Variants in ADAM22 observed in about 807,000 individuals in gnomAD.
ADAM22 encodes disintegrin and metalloproteinase domain-containing protein 22.
A neutral mutation model predicts 144.6 loss-of-function variants in ADAM22; 65 were observed. The ratio of observed to expected loss-of-function variants is 0.45; its 90% CI spans 0.37 to 0.55. The LOEUF is 0.55. Among genes scored for constraint, ADAM22 ranks in the 20% least tolerant of loss-of-function variants. The probability of loss-of-function intolerance (pLI) is 0.00; values close to 1 mark genes in which losing one functional copy is unlikely to be tolerated. For synonymous variants in ADAM22, 391 were observed against 412.6 expected (o/e 0.95, Z 0.63); for missense variants, 974 against 1,184.9 (o/e 0.82, Z 2.61).
chr7:87,993,557 G>A (rs1287222323), intron 3 of ADAM22, among the ~76,000 whole-genome samples: 1 of 152,180 alleles, frequency 6.6e-6, no homozygotes, highest in African/African-American at 2.4e-5. Flanking sequence ...CCTTCTGTCA[G>A]AAAGTCAGTA....
At chr7:88,036,158 C>T (rs1801480330) in intron 3 of ADAM22, among the ~76,000 whole-genome samples, 1 of 152,154 alleles carries the variant, frequency 6.6e-6, no homozygotes, top group Non-Finnish European at 1.5e-5. Flanking sequence ...ATAATCTCTG[C>T]ATGGGTATTT....
At chr7:88,056,574 G>A (rs1485166596) in intron 3 of ADAM22, among the ~76,000 whole-genome samples, 1 of 152,194 alleles carries the variant, frequency 6.6e-6, no homozygotes, top group African/African-American at 2.4e-5. Flanking sequence ...AGATAATTGT[G>A]AAAAGAGGTG....
intron 29 of ADAM22, among the ~76,000 whole-genome samples, chr7:88,183,501 TCATA>T (rs1160452027): frequency 1.3e-5 from 2 of 152,288 alleles, no homozygotes; most frequent in Middle Eastern, 3.4e-3. Flanking sequence ...TTAACAATAT[TCATA>T]CAGTGTTTTC....
Position 88,128,621 on chromosome 7 carries a change from A to C in ADAM22, c.698A>C (p.Asn233Thr). ...SKRQLRRYPR[N>T]VEEETKYIEL... ...TTACAGCTTCGTCGATATCCTCGTA[A>C]TGTAGAAGAAGAAACCAAATACATT... The change falls in exon 9 of 32, where the codon AAT (asparagine) becomes ACT (threonine). Residue 233 changes from asparagine to threonine, a missense_variant. Around this residue, in one of 2 missense-constraint regions of ADAM22, gnomAD observed 734 missense variants for 950.6 expected, o/e 0.77. Coordinates refer to ENST00000413139, the MANE Select transcript of ADAM22 (RefSeq NM_001324418.2). 1 of 1,611,812 alleles carries C rather than the reference A, an allele frequency of 6.2e-7. No individual in the cohort carries two copies. The highest frequency in any genetic ancestry group is 8.5e-7 in the Non-Finnish European group (1 of 1,178,260).
chr7:88,164,827 T>A (rs1842581736), intron 23 of ADAM22, among the ~76,000 whole-genome samples: 1 of 152,148 alleles, frequency 6.6e-6, no homozygotes, highest in South Asian at 2.1e-4. Flanking sequence ...ATATCGCTGA[T>A]ACCTGACATA....
At chr7:88,196,413 A>G in intron 31 of ADAM22, 58 bp from the exon 32 acceptor site, 2 of 1,595,664 alleles carry the variant, frequency 1.3e-6, no homozygotes, top group Non-Finnish European at 1.7e-6. Context: ...TCTCCTATTC[A>G]GAATACATCT....
chr7:88,137,202 G>A (rs1434919008), intron 14 of ADAM22, among the ~76,000 whole-genome samples: 1 of 152,060 alleles, frequency 6.6e-6, no homozygotes, highest in Non-Finnish European at 1.5e-5. Flanking sequence ...GTGACTTGCT[G>A]TTTTTTATCA....
At chr7:88,043,652 C>T (rs1012796489) in intron 3 of ADAM22, among the ~76,000 whole-genome samples, 4 of 151,570 alleles carry the variant, frequency 2.6e-5, no homozygotes, top group African/African-American at 7.3e-5. Flanking sequence ...TAGTATGTTA[C>T]GATTGTGGAG....
intron 4 of ADAM22, among the ~76,000 whole-genome samples, chr7:88,085,827 A>C (rs1026055658): frequency 2.0e-5 from 3 of 152,162 alleles, no homozygotes; most frequent in African/African-American, 7.2e-5. Flanking sequence ...TTTTGTTTAT[A>C]GTTTTATCAC....
chr7:88,002,698 C>A (rs1792862609), intron 3 of ADAM22, among the ~76,000 whole-genome samples: 1 of 152,122 alleles, frequency 6.6e-6, no homozygotes, highest in East Asian at 1.9e-4. Flanking sequence ...GAGGACAGAT[C>A]AGTACAAGGA....
intron 3 of ADAM22, among the ~76,000 whole-genome samples, chr7:87,998,867 T>C (rs1370472988): frequency 6.6e-6 from 1 of 152,210 alleles, no homozygotes; most frequent in Non-Finnish European, 1.5e-5. Flanking sequence ...TTATCCCACT[T>C]AGCATGAACA....
intron 4 of ADAM22, among the ~76,000 whole-genome samples, chr7:88,084,335 C>T (rs1817815486): frequency 6.6e-6 from 1 of 152,146 alleles, no homozygotes; most frequent in African/African-American, 2.4e-5. Context: ...TTTTCTAACC[C>T]CTAAGCCTGT....
intron 4 of ADAM22, among the ~76,000 whole-genome samples, chr7:88,084,702 A>G (rs1233846222): frequency 6.6e-6 from 1 of 152,138 alleles, no homozygotes; most frequent in Non-Finnish European, 1.5e-5. Context: ...AACGTTTTAT[A>G]TTTTTTCCTT....
At chr7:88,165,084 C>T (rs1842639913) in intron 23 of ADAM22, among the ~76,000 whole-genome samples, 2 of 152,226 alleles carry the variant, frequency 1.3e-5, no homozygotes, top group East Asian at 3.9e-4. Flanking sequence ...AAACCTGTCT[C>T]AGGAGGAACT....
At chr7:87,982,413 G>A (rs908460186) in intron 3 of ADAM22, among the ~76,000 whole-genome samples, 7 of 151,576 alleles carry the variant, frequency 4.6e-5, no homozygotes, top group Non-Finnish European at 8.8e-5. Flanking sequence ...CAAGGGTCTG[G>A]GCCCTGAGGC....
At position 88,197,777 on chromosome 7, in the gene ADAM22, G is replaced by A. The variant is rs1000039261; in HGVS notation, c.*1286G>A. On this transcript the variant is annotated 3_prime_UTR_variant, in exon 32 of 32. Coordinates refer to ENST00000413139, the MANE Select transcript of ADAM22 (RefSeq NM_001324418.2). ...TGCACTGACTCTGAAGCAAGATGACGGAAGATTCTACTGTTTGAGTTGAGC... is the reference window on the plus strand; with the variant it reads ...TGCACTGACTCTGAAGCAAGATGACAGAAGATTCTACTGTTTGAGTTGAGC... 5.3e-5 allele frequency: 8 copies of A among 152,118 alleles called. No homozygotes were observed. Among genetic ancestry groups the A allele is most frequent in the Non-Finnish European group, 1.2e-4 (8 of 68,034 alleles). The allele number at this position is 152,118 out of a possible 1,614,324, so 9.4% of individuals were successfully genotyped here.
rs561821426 is a variant in ADAM22, at chr7:87,968,785, A to G, written c.247-9551A>G. Reference sequence around the variant, plus strand: ...TGTTCTTACACTGCTATAACGAAATACCTGAAACTGGGTAATTTTTAAGAA... The same window carrying G: ...TGTTCTTACACTGCTATAACGAAATGCCTGAAACTGGGTAATTTTTAAGAA... On this transcript the variant is annotated intron_variant, in intron 2 of 31. Coordinates refer to ENST00000413139, the MANE Select transcript of ADAM22 (RefSeq NM_001324418.2). 3.3e-5 allele frequency among the ~76,000 whole-genome samples: 5 copies of G among 152,268 alleles called. No homozygotes were observed. The South Asian group carries it at 8.3e-4, about 25-fold the overall frequency.
At chr7:88,191,308 G>A (rs1446934072) in intron 30 of ADAM22, among the ~76,000 whole-genome samples, 12 of 152,300 alleles carry the variant, frequency 7.9e-5, no homozygotes, top group Non-Finnish European at 1.8e-4. Flanking sequence ...AGTTAAAGCT[G>A]GAATGACTGT....
chr7:88,132,601 G>T lies in ADAM22; in HGVS notation c.993-266G>T, dbSNP rs187755501. On this transcript the variant is annotated intron_variant, in intron 11 of 31. Transcript: ENST00000413139. ...ATACCAGAGAAGTGATTTTGTGTCT[G>T]TCTCAGAGTACATCATATCAACCAA... 1.7e-3 allele frequency: 509 copies of T among 295,984 alleles called. 4 individuals carry two copies. The highest frequency in any genetic ancestry group is 0.01 in the African/African-American group (466 of 45,838). 18.3% of individuals were successfully genotyped at this position (295,984 alleles called of 1,614,324 possible).
Sources: allele counts gnomAD v4.1 joint callset (sites outside exome capture counted in the v4.1 genomes callset), GRCh38; gene constraint gnomAD v4.1.1; regional missense constraint gnomAD v4.1.1; transcripts MANE v1.5; gene names NCBI Gene and HGNC (gene_info 2026-07-23, HGNC 2026-07-21).